Variants in GRID2 observed in about 807,000 individuals in gnomAD.
The protein encoded by GRID2 is glutamate receptor ionotropic, delta-2.
GRID2 carries 33 observed loss-of-function variants against 114.8 expected under a neutral mutation model. That is an observed-to-expected ratio of 0.29 (90% confidence interval 0.22 to 0.38). The LOEUF (loss-of-function observed/expected upper bound fraction) is 0.38. Ranked by LOEUF, GRID2 falls within the 10% of genes least tolerant of loss-of-function variation. The probability of loss-of-function intolerance (pLI) is 1.00; values close to 1 mark genes in which losing one functional copy is unlikely to be tolerated. For synonymous variants in GRID2, 505 were observed against 449.9 expected, an observed-to-expected ratio of 1.12 and a Z score of -1.55; for missense variants, 1,184 against 1,257.7, an observed-to-expected ratio of 0.94 and a Z score of 0.89.
rs1217528524 is a variant in GRID2 at position 93,501,798 on chromosome 4, TA to T, written c.1997+11025del. On this transcript the variant is annotated intron_variant, in intron 12 of 15. Coordinates refer to ENST00000282020, the MANE Select transcript of GRID2 (RefSeq NM_001510.4). Reference sequence around the variant, plus strand: ...CAATTTTATAATCTTCCACAGCTTCTAAAATAATCTTCTTCTGAACAAGATG... The same window carrying T: ...CAATTTTATAATCTTCCACAGCTTCTAAATAATCTTCTTCTGAACAAGATG... Among the ~76,000 whole-genome samples, 8 of 152,088 alleles carry T rather than the reference TA, an allele frequency of 5.3e-5. No homozygotes were observed. The South Asian group carries it at 1.0e-3, about 20-fold the overall frequency.
At chr4:92,906,184 A>T (rs938250918) in intron 2 of GRID2, among the ~76,000 whole-genome samples, 1 of 152,164 alleles carries the variant, frequency 6.6e-6, no homozygotes, top group Non-Finnish European at 1.5e-5. Flanking sequence ...GATTATTCAA[A>T]TTGATTATTT....
At chr4:93,111,102 C>T (rs1424151922) in intron 4 of GRID2, 149 bp downstream of exon 4, 3 of 618,318 alleles carry the variant, frequency 4.9e-6, no homozygotes, top group South Asian at 3.9e-5. Context: ...ATAGTGAATG[C>T]CTCACTTATC....
intron 1 of GRID2, among the ~76,000 whole-genome samples, chr4:92,462,578 AATTG>A (rs1261022849): frequency 6.6e-6 from 1 of 151,950 alleles, no homozygotes; most frequent in Non-Finnish European, 1.5e-5. Flanking sequence ...ACTCAAGCAG[AATTG>A]ATTAAGGATA....
At chr4:93,026,919 G>C (rs182100500) in intron 2 of GRID2, among the ~76,000 whole-genome samples, 2 of 151,970 alleles carry the variant, frequency 1.3e-5, no homozygotes, top group Admixed American at 1.3e-4. Context: ...ATTTATAGTA[G>C]GTAACACCAA....
At chr4:93,141,893 A>G (rs1028299886) in intron 4 of GRID2, among the ~76,000 whole-genome samples, 7 of 152,224 alleles carry the variant, frequency 4.6e-5, no homozygotes, top group Non-Finnish European at 1.0e-4. Flanking sequence ...ACACATAACA[A>G]GGGATTTGGA....
chr4:92,743,533 A>T (rs1736999843), intron 2 of GRID2, among the ~76,000 whole-genome samples: 1 of 152,162 alleles, frequency 6.6e-6, no homozygotes, highest in Non-Finnish European at 1.5e-5. Context: ...TTTCTTCACT[A>T]CATATTTTTA....
At chr4:93,806,471 T>C (rs726899) in intron 1 of GRID2, among the ~76,000 whole-genome samples, 77,700 of 152,036 alleles carry the variant, frequency 0.51, 20,112 homozygotes, top group Non-Finnish European at 0.55. Flanking sequence ...AAAGCCCTCC[T>C]TGAAACAGGT....
At chr4:93,700,866 C>A (rs894690888) in intron 14 of GRID2, among the ~76,000 whole-genome samples, 1 of 152,076 alleles carries the variant, frequency 6.6e-6, no homozygotes, top group South Asian at 2.1e-4. Flanking sequence ...TATCTTTGAA[C>A]AATTCCATAT....
intron 2 of GRID2, among the ~76,000 whole-genome samples, chr4:92,659,316 A>C (rs1017449761): frequency 2.0e-5 from 3 of 151,564 alleles, no homozygotes; most frequent in Non-Finnish European, 1.5e-5. Flanking sequence ...CCTGCATTTA[A>C]AGGAGAGGAA....
At chr4:93,562,381 T>A (rs1310363676) in intron 13 of GRID2, among the ~76,000 whole-genome samples, 1 of 152,028 alleles carries the variant, frequency 6.6e-6, no homozygotes, top group Non-Finnish European at 1.5e-5. Flanking sequence ...CCCATTTTTT[T>A]AATCAGGTCA....
At chr4:92,352,188 A>G (rs1728100722) in intron 1 of GRID2, among the ~76,000 whole-genome samples, 1 of 151,778 alleles carries the variant, frequency 6.6e-6, no homozygotes, top group Non-Finnish European at 1.5e-5. Context: ...TAGCCATTCT[A>G]ACTGGGGTGA....
rs73837741 is a variant in GRID2, at chr4:93,264,035, C to A, written c.1245+25545C>A. 6.3e-3 allele frequency among the ~76,000 whole-genome samples: 963 copies of A among 152,226 alleles called. 9 individuals are homozygous for A. Among genetic ancestry groups the A allele is most frequent in the African/African-American group, 0.022 (922 of 41,558 alleles). On this transcript the variant is annotated intron_variant, in intron 8 of 15. Transcript: ENST00000282020. ...ATCTCTGATGACCATTCTTGCTGAA[C>A]TTGTCTTTTGCAATGCTATTAACAC...
At chr4:92,973,924 T>G (rs71599265) in intron 2 of GRID2, among the ~76,000 whole-genome samples, 1 of 151,996 alleles carries the variant, frequency 6.6e-6, no homozygotes, top group Non-Finnish European at 1.5e-5. Flanking sequence ...TGGGAGAAAA[T>G]TTTTGCAATC....
chr4:93,128,121 C>G (rs1412839077), intron 4 of GRID2, among the ~76,000 whole-genome samples: 2 of 141,712 alleles, frequency 1.4e-5, no homozygotes, highest in Admixed American at 7.3e-5. Flanking sequence ...TCAACTTAAC[C>G]TTTTATTCAT....
intron 8 of GRID2, among the ~76,000 whole-genome samples, chr4:93,242,557 T>G (rs1382456314): frequency 2.0e-5 from 3 of 152,002 alleles, no homozygotes; most frequent in Admixed American, 6.6e-5. Context: ...AAGCATAAAA[T>G]CTAAACTGAA....
intron 2 of GRID2, among the ~76,000 whole-genome samples, chr4:92,610,304 G>GAGAAGAGTTGC (rs1729656921): frequency 6.6e-6 from 1 of 151,648 alleles, no homozygotes; most frequent in Admixed American, 6.6e-5. Flanking sequence ...TTCTCCTGTA[G>GAGAAGAGTTGC]AGAAGAGTTG....
chr4:93,071,330 C>T (rs1560847685), intron 2 of GRID2, among the ~76,000 whole-genome samples: 1 of 152,054 alleles, frequency 6.6e-6, no homozygotes, highest in Admixed American at 6.6e-5. Flanking sequence ...TATTCATTCA[C>T]GACATGTTCA....
chr4:93,312,972 A>G (rs900286193), intron 8 of GRID2, among the ~76,000 whole-genome samples: 4 of 152,152 alleles, frequency 2.6e-5, no homozygotes, highest in Non-Finnish European at 5.9e-5. Context: ...TTTCAAACGT[A>G]TTTTATAGCT....
At chr4:92,934,288 T>G (rs1415087571) in intron 2 of GRID2, among the ~76,000 whole-genome samples, 1 of 151,844 alleles carries the variant, frequency 6.6e-6, no homozygotes, top group Non-Finnish European at 1.5e-5. Flanking sequence ...TTATTCTCTT[T>G]GAAGCAATTG....
Sources: allele counts gnomAD v4.1 joint callset (sites outside exome capture counted in the v4.1 genomes callset), GRCh38; gene constraint gnomAD v4.1.1; transcripts MANE v1.5; gene names NCBI Gene and HGNC (gene_info 2026-07-23, HGNC 2026-07-21).